The following GLIS3 variants were observed in gnomAD, a reference collection of about 807,000 sequenced individuals.
GLIS3 encodes the protein zinc finger protein GLIS3.
A neutral mutation model predicts 78.6 loss-of-function variants in GLIS3; 53 were observed. That is an observed-to-expected ratio of 0.67 (90% CI 0.54 to 0.85). The LOEUF is 0.85. Ranked by LOEUF, GLIS3 falls within the 40% of genes least tolerant of loss-of-function variation. The pLI is 0.00. For synonymous variants in GLIS3, 684 were observed against 509.9 expected (o/e 1.34, Z -4.60); for missense variants, 1,703 against 1,231.1 (o/e 1.38, Z -5.74).
chr9:4,479,302 G>C, the GLIS3 span, among the ~76,000 whole-genome samples: 1 of 152,160 alleles, frequency 6.6e-6, no homozygotes, highest in Non-Finnish European at 1.5e-5. Flanking sequence ...CAAATGTCAT[G>C]TGTGGACTTA....
At chr9:4,131,781 G>T (rs1235261393) in intron 2 of GLIS3, among the ~76,000 whole-genome samples, 1 of 152,030 alleles carries the variant, frequency 6.6e-6, no homozygotes, top group Admixed American at 6.6e-5. Context: ...ACCTCATAAG[G>T]TTGTTGTGCA....
chr9:4,218,229 T>C (rs145456569), intron 2 of GLIS3, among the ~76,000 whole-genome samples: 6 of 152,300 alleles, frequency 3.9e-5, no homozygotes, highest in African/African-American at 1.4e-4. Flanking sequence ...CCCAAATCCA[T>C]TTACTTCTCC....
chr9:4,147,257 A>G lies in GLIS3; in HGVS notation c.389-21316T>C, dbSNP rs533951290. 10 of 152,336 alleles carry G rather than the reference A, an allele frequency of 6.6e-5. No individual in the cohort carries two copies. The South Asian group carries it at 2.1e-3, about 32-fold the overall frequency. 9.4% of individuals were successfully genotyped at this position (152,336 alleles called of 1,614,324 possible). ...TCCATTCTATTATTGGAATTTCAATAATGGAATTTCAATTTGGAATTTCTT... is the reference window on the plus strand; with the variant it reads ...TCCATTCTATTATTGGAATTTCAATGATGGAATTTCAATTTGGAATTTCTT... On this transcript the variant is annotated intron_variant, in intron 2 of 10. Coordinates refer to ENST00000381971, the MANE Select transcript of GLIS3 (RefSeq NM_001042413.2).
At chr9:3,978,469 G>T (rs961747015) in intron 4 of GLIS3, among the ~76,000 whole-genome samples, 1 of 151,672 alleles carries the variant, frequency 6.6e-6, no homozygotes, top group Non-Finnish European at 1.5e-5. Context: ...AATAATATGG[G>T]TATTATTTTC....
the GLIS3 span, among the ~76,000 whole-genome samples, chr9:4,383,146 C>A: frequency 4.9e-3 from 739 of 152,314 alleles, 6 homozygotes; most frequent in African/African-American, 0.017. Context: ...AGAACTGAAA[C>A]GAGTAGAAGT....
chr9:4,477,050 T>G, the GLIS3 span, among the ~76,000 whole-genome samples: 1 of 152,096 alleles, frequency 6.6e-6, no homozygotes, highest in East Asian at 1.9e-4. Flanking sequence ...GTTCCAGTAA[T>G]TATGCTTCTG....
At chr9:4,342,325 C>T (rs1817844198) in intron 2 of GLIS3, among the ~76,000 whole-genome samples, 1 of 152,174 alleles carries the variant, frequency 6.6e-6, no homozygotes, top group African/African-American at 2.4e-5. Context: ...CCAGTTATCC[C>T]AGCACCATTT....
At chr9:3,914,033 A>T (rs1824324626) in intron 6 of GLIS3, among the ~76,000 whole-genome samples, 1 of 150,932 alleles carries the variant, frequency 6.6e-6, no homozygotes, top group African/African-American at 2.4e-5. Context: ...GGGGAAGAAA[A>T]GAATGGGGCA....
the GLIS3 span, among the ~76,000 whole-genome samples, chr9:4,426,458 G>A: frequency 4.3e-4 from 65 of 152,222 alleles, 1 homozygote; most frequent in East Asian, 0.012. Flanking sequence ...TCTGCCCTCT[G>A]TCTCTGCTCA....
intron 2 of GLIS3, among the ~76,000 whole-genome samples, chr9:4,345,658 T>A (rs985578595): frequency 6.6e-6 from 1 of 152,250 alleles, no homozygotes; most frequent in African/African-American, 2.4e-5. Context: ...GATACAGAAA[T>A]TTATCTTCTT....
At chr9:4,430,662 A>T in the GLIS3 span, among the ~76,000 whole-genome samples, 4,958 of 152,280 alleles carry the variant, frequency 0.033, 263 homozygotes, top group African/African-American at 0.11. Context: ...TCATTCTGTT[A>T]TCCCTAAGGA....
At chr9:4,060,889 C>T (rs907783127) in intron 4 of GLIS3, among the ~76,000 whole-genome samples, 6 of 152,190 alleles carry the variant, frequency 3.9e-5, no homozygotes, top group Admixed American at 2.6e-4. Flanking sequence ...CTCAACTCTG[C>T]TCACAGGTAC....
At chr9:4,107,190 T>C (rs915716509) in intron 4 of GLIS3, among the ~76,000 whole-genome samples, 4 of 152,164 alleles carry the variant, frequency 2.6e-5, no homozygotes, top group African/African-American at 4.8e-5. Context: ...CAAGGAGATA[T>C]AGAAAACTGA....
chr9:4,078,114 T>C (rs970758372), intron 4 of GLIS3, among the ~76,000 whole-genome samples: 4 of 151,566 alleles, frequency 2.6e-5, no homozygotes, highest in Non-Finnish European at 5.9e-5. Context: ...AAATTGAGAA[T>C]GAATTATCTC....
At chr9:4,307,320 G>C (rs1817251795) in intron 4 of GLIS3, among the ~76,000 whole-genome samples, 1 of 152,090 alleles carries the variant, frequency 6.6e-6, no homozygotes, top group Non-Finnish European at 1.5e-5. Flanking sequence ...TAAAATTTAA[G>C]AACAAGATCT....
intron 4 of GLIS3, among the ~76,000 whole-genome samples, chr9:4,045,575 G>A (rs1416154327): frequency 1.3e-5 from 2 of 151,336 alleles, no homozygotes; most frequent in African/African-American, 4.9e-5. Flanking sequence ...CTGACCTCGT[G>A]ATCCTCCCAC....
intron 4 of GLIS3, among the ~76,000 whole-genome samples, chr9:4,000,031 T>C (rs556064371): frequency 6.6e-6 from 1 of 152,052 alleles, no homozygotes; most frequent in Admixed American, 6.6e-5. Flanking sequence ...AGTATAGAAG[T>C]GATCAGAACA....
chr9:4,432,324 G>C, the GLIS3 span, among the ~76,000 whole-genome samples: 1 of 152,202 alleles, frequency 6.6e-6, no homozygotes. Context: ...GGCCATAGTT[G>C]ATTCTTAAAG....
At chr9:4,091,869 C>T (rs1274557166) in intron 4 of GLIS3, among the ~76,000 whole-genome samples, 1 of 152,018 alleles carries the variant, frequency 6.6e-6, no homozygotes, top group Non-Finnish European at 1.5e-5. Context: ...CTAAACATAT[C>T]CAAACATACT....
Sources: allele counts gnomAD v4.1 joint callset (sites outside exome capture counted in the v4.1 genomes callset), GRCh38; gene constraint gnomAD v4.1.1; transcripts MANE v1.5; gene names NCBI Gene and HGNC (gene_info 2026-07-23, HGNC 2026-07-21).